The following HIF1AN variants were observed in gnomAD, a reference collection of about 807,000 sequenced individuals.
HIF1AN encodes hypoxia-inducible factor 1-alpha inhibitor.
A neutral mutation model predicts 47.7 loss-of-function variants in HIF1AN; 21 were observed. The observed-to-expected ratio is 0.44, with a 90% CI of 0.31 to 0.63. The LOEUF is 0.63. Among genes scored for constraint, HIF1AN ranks in the 30% least tolerant of loss-of-function variants. HIF1AN has a pLI of 0.07. For missense variants in HIF1AN, 320 were observed against 432.7 expected, an observed-to-expected ratio of 0.74 and a Z score of 2.31; for synonymous variants, 152 against 155.9, an observed-to-expected ratio of 0.98 and a Z score of 0.18.
chr10:100,545,825 T>G, intron 4 of HIF1AN, 118 bp from the exon 5 acceptor site: 1 of 694,138 alleles, frequency 1.4e-6, no homozygotes. Context: ...ATACTTTTTT[T>G]AAGGCATCGT....
chr10:100,542,740 CT>C (rs1843051588), intron 3 of HIF1AN, among the ~76,000 whole-genome samples: 2 of 152,118 alleles, frequency 1.3e-5, no homozygotes, highest in East Asian at 3.9e-4. Flanking sequence ...ATAACTACCC[CT>C]GTCTCTTAGC....
At position 100,555,236 on chromosome 10, in the gene HIF1AN, G is replaced by A. The variant is rs1843205315; in HGVS notation, c.*7099G>A. The A allele has an allele frequency of 6.6e-6, 1 of 152,218 alleles. No individual in the cohort carries two copies. The highest frequency in any genetic ancestry group is 1.5e-5 in the Non-Finnish European group (1 of 68,040). The allele number at this position is 152,218 out of a possible 1,614,324, so 9.4% of individuals were successfully genotyped here. A position where few individuals can be genotyped will look rare whatever the true frequency, so the allele number is the denominator to read the frequency against. On this transcript the variant is annotated 3_prime_UTR_variant, in exon 8 of 8. Transcript: ENST00000299163. ...TGGGTGAGACAGTAGATCCCAAGAA[G>A]AAAACCCTTTGGTTAGTCACAGAAA...
At chr10:100,538,248 TGAC>T (rs780003988) in intron 2 of HIF1AN, among the ~76,000 whole-genome samples, 8 of 152,182 alleles carry the variant, frequency 5.3e-5, no homozygotes, top group Non-Finnish European at 1.0e-4. Flanking sequence ...CCCTATCAGC[TGAC>T]TTTAGCACCG....
chr10:100,536,506 T>C lies in HIF1AN; in HGVS notation c.273T>C (p.Ser91=). ...AGAATATTGGCAATGGAGACTTCTC[T>C]GTGTACAGTGCCAGCACCCACAAGT... ...LQENIGNGDF[S]VYSASTHKFL... The change falls in exon 2 of 8, where the codon TCT becomes TCC. Residue 91 remains serine, a synonymous_variant. Transcript: ENST00000299163. The C allele has an allele frequency of 6.2e-7, 1 of 1,614,206 alleles. No individual in the cohort carries two copies. The highest frequency in any genetic ancestry group is 8.5e-7 in the Non-Finnish European group (1 of 1,180,044).
At position 100,558,008 on chromosome 10, in the gene HIF1AN, G is replaced by A. The variant is rs1564667496; in HGVS notation, c.*9871G>A. On this transcript the variant is annotated 3_prime_UTR_variant, in exon 8 of 8. Transcript: ENST00000299163. The stretch of plus-strand genomic sequence containing the variant: ...GTAAGAGGGAGCATGAGTGTGAATG[G>A]GGAAGAATCATGGAGAAGGGAGCAG... 6.6e-6 allele frequency: 1 copy of A among 152,286 alleles called. No homozygotes were observed. The highest frequency in any genetic ancestry group is 6.5e-5 in the Admixed American group (1 of 15,278). 9.4% of individuals were successfully genotyped at this position (152,286 alleles called of 1,614,324 possible). A position where few individuals can be genotyped will look rare whatever the true frequency, so the allele number is the denominator to read the frequency against.
rs960083801 is a variant in HIF1AN, at chr10:100,554,233, CTTA to C, written c.*6101_*6103del. 5 of 152,134 alleles carry C rather than the reference CTTA, an allele frequency of 3.3e-5. No individual in the cohort carries two copies. Among genetic ancestry groups the C allele is most frequent in the African/African-American group, 1.2e-4 (5 of 41,408 alleles). The allele number at this position is 152,134 out of a possible 1,614,324, so 9.4% of individuals were successfully genotyped here. ...GAGAGGCCGTGGAGCCGAATGAGTC[CTTA>C]TTATACCTGGAGAAGCTGTTGTCTC... On this transcript the variant is annotated 3_prime_UTR_variant, in exon 8 of 8. Coordinates refer to ENST00000299163, the MANE Select transcript of HIF1AN (RefSeq NM_017902.3).
intron 3 of HIF1AN, among the ~76,000 whole-genome samples, chr10:100,544,150 G>A (rs1374133917): frequency 6.6e-6 from 1 of 152,222 alleles, no homozygotes; most frequent in Non-Finnish European, 1.5e-5. Flanking sequence ...ACATACACTA[G>A]GGCACAACTA....
Position 100,545,076 on chromosome 10 carries a change from C to G in HIF1AN, c.703C>G (p.Pro235Ala), listed in dbSNP as rs1843080992. 6.2e-7 allele frequency: 1 copy of G among 1,614,132 alleles called. No individual in the cohort carries two copies. Among genetic ancestry groups the G allele is most frequent in the East Asian group, 2.2e-5 (1 of 44,880 alleles). Residue 235 changes from proline (P) to alanine (A), a missense_variant, in exon 4 of 8, where the codon CCA becomes GCA. Around this residue, in one of 2 missense-constraint regions of HIF1AN, gnomAD observed 161 missense variants for 272.8 expected, o/e 0.59. Transcript: ENST00000299163. ...CCTCTACCCATACCCTGTTCATCAC[C>G]CATGTGACAGACAGAGCCAGGTGAG... ...ECLYPYPVHH[P>A]CDRQSQVDFD...
chr10:100,547,289 A>T, intron 7 of HIF1AN, 39 bp downstream of exon 7: 2 of 1,302,290 alleles, frequency 1.5e-6, no homozygotes, highest in Non-Finnish European at 2.2e-6. Flanking sequence ...GGGTGGGTTG[A>T]CCAAGGAAAG....
In HIF1AN at chr10:100,546,515, C is replaced by G; in HGVS notation, c.831-3C>G. On this transcript the variant is annotated splice_polypyrimidine_tract_variant and splice_region_variant and intron_variant, in intron 5 of 7. Coordinates refer to ENST00000299163, the MANE Select transcript of HIF1AN (RefSeq NM_017902.3). ...AAACAGGAGCCTGTTTGTTTTCTTGCAGGTGGCATCACATAGAGTCATTAC... is the reference window on the plus strand; with the variant it reads ...AAACAGGAGCCTGTTTGTTTTCTTGGAGGTGGCATCACATAGAGTCATTAC... The G allele has an allele frequency of 1.4e-6, 2 of 1,431,798 alleles. No homozygotes were observed. The highest frequency in any genetic ancestry group is 1.9e-6 in the Non-Finnish European group (2 of 1,068,932). The allele number at this position is 1,431,798 out of a possible 1,614,324, so 88.7% of individuals were successfully genotyped here.
intron 2 of HIF1AN, among the ~76,000 whole-genome samples, chr10:100,538,831 AAAAAAGAT>A (rs1564661434): frequency 1.3e-5 from 2 of 151,622 alleles, no homozygotes; most frequent in Non-Finnish European, 1.5e-5. Context: ...AAAAAAAAAA[AAAAAAGAT>A]TTCTGATTAA....
rs1485332694 is a variant in HIF1AN, at chr10:100,554,560, C to CT, written c.*6426dup. ...TTACCTCACGCCTGTAATCCCAGCA[C>CT]TTTGGGAGGCTGAGGTGGGTGGATC... On this transcript the variant is annotated 3_prime_UTR_variant, in exon 8 of 8. Transcript: ENST00000299163. 1 of 152,102 alleles carries CT rather than the reference C, an allele frequency of 6.6e-6. No homozygotes were observed. The highest frequency in any genetic ancestry group is 2.4e-5 in the African/African-American group (1 of 41,400). The allele number at this position is 152,102 out of a possible 1,614,324, so 9.4% of individuals were successfully genotyped here.
chr10:100,546,624 G>A, intron 6 of HIF1AN, 43 bp downstream of exon 6: 1 of 1,434,688 alleles, frequency 7.0e-7, no homozygotes, highest in Non-Finnish European at 9.8e-7. Context: ...GATGGAACTG[G>A]CTCTTGGGTG....
chr10:100,543,244 C>T (rs1004208671), intron 3 of HIF1AN, among the ~76,000 whole-genome samples: 1 of 152,120 alleles, frequency 6.6e-6, no homozygotes, highest in South Asian at 2.1e-4. Flanking sequence ...TGCTGGTGTG[C>T]AGTGGCATGA....
In HIF1AN at chr10:100,536,135, G is replaced by C; in HGVS notation, c.177G>C (p.Glu59Asp). ...DPRAEELIEN[E>D]EPVVLTDTNL... is the part of the protein sequence containing the mutation. ...GGGCAGAGGAGCTTATTGAGAATGA[G>C]GTGGGGGGCGGGGCCGCGTCTAAAG... Residue 59 changes from glutamate to aspartate, a missense_variant and splice_region_variant, in exon 1 of 8, where the codon GAG becomes GAC. Glu to Asp is a conservative substitution (Grantham distance 45, BLOSUM62 2). Around this residue, in one of 2 missense-constraint regions of HIF1AN, gnomAD observed 159 missense variants for 159.9 expected, o/e 0.99. Transcript: ENST00000299163. The C allele has an allele frequency of 6.3e-7, 1 of 1,590,304 alleles. No homozygotes were observed.
intron 7 of HIF1AN, 97 bp downstream of exon 7, chr10:100,547,347 G>A (rs543884819): frequency 9.9e-5 from 74 of 749,628 alleles, no homozygotes; most frequent in Non-Finnish European, 1.7e-4. Flanking sequence ...TCAGTGTCTG[G>A]TGTCCTCTCT....
intron 3 of HIF1AN, among the ~76,000 whole-genome samples, chr10:100,543,292 C>T (rs747027643): frequency 2.0e-5 from 3 of 152,130 alleles, no homozygotes; most frequent in Admixed American, 1.3e-4. Flanking sequence ...CAGTCTCAAA[C>T]GATCCTCCCA....
At chr10:100,542,315 A>G (rs1843042456) in intron 3 of HIF1AN, among the ~76,000 whole-genome samples, 1 of 152,030 alleles carries the variant, frequency 6.6e-6, no homozygotes, top group Non-Finnish European at 1.5e-5. Flanking sequence ...AAAGAGGAGA[A>G]ACTTATTTTT....
At chr10:100,542,835 T>C (rs1174768715) in intron 3 of HIF1AN, among the ~76,000 whole-genome samples, 2 of 144,300 alleles carry the variant, frequency 1.4e-5, no homozygotes, top group African/African-American at 5.2e-5. Context: ...CACTAATAAA[T>C]ATGTGAATGT....
Sources: gnomAD v4.1 joint callset for allele counts (sites outside exome capture counted in the v4.1 genomes callset) on GRCh38, gnomAD v4.1.1 for gene constraint, gnomAD v4.1.1 regional missense constraint, MANE v1.5 for transcripts, NCBI Gene and HGNC (gene_info 2026-07-23, HGNC 2026-07-21) for gene names.